SLC35D2: variants seen among roughly 807,000 people sequenced by gnomAD.
SLC35D2 encodes nucleotide sugar transporter SLC35D2.
A neutral mutation model predicts 41.8 loss-of-function variants in SLC35D2; 43 were observed. That is an observed-to-expected ratio of 1.03 (90% CI 0.81 to 1.33). The LOEUF is 1.33. Ranked by LOEUF, SLC35D2 falls within the 40% of genes most tolerant of loss-of-function variation. The pLI, the probability that SLC35D2 is intolerant of heterozygous loss-of-function variation, is 0.00. For synonymous variants in SLC35D2, 150 were observed against 163.9 expected, an observed-to-expected ratio of 0.92 and a Z score of 0.65; for missense variants, 380 against 408.4, an observed-to-expected ratio of 0.93 and a Z score of 0.60.
intron 8 of SLC35D2, among the ~76,000 whole-genome samples, chr9:96,340,955 TAGG>T (rs1829297691): frequency 6.6e-6 from 1 of 152,128 alleles, no homozygotes; most frequent in African/African-American, 2.4e-5. Flanking sequence ...CAAGCCAGAA[TAGG>T]AGGAGGATAT....
At chr9:96,365,590 C>A (rs1381213663) in intron 2 of SLC35D2, among the ~76,000 whole-genome samples, 1 of 152,118 alleles carries the variant, frequency 6.6e-6, no homozygotes, top group African/African-American at 2.4e-5. Flanking sequence ...TTAAAAGAAA[C>A]TCCACACCTA....
intron 9 of SLC35D2, among the ~76,000 whole-genome samples, chr9:96,332,977 C>T (rs991465691): frequency 1.3e-5 from 2 of 150,376 alleles, no homozygotes; most frequent in African/African-American, 4.9e-5. Flanking sequence ...CGGCTCACTG[C>T]AACCTCCAAC....
At position 96,360,058 on chromosome 9, in the gene SLC35D2, A is replaced by G. The variant is rs1378098277; in HGVS notation, c.347+96T>C. ...AATATTATTGTCTTCTATATATGGTACAAGCACTATCAATGGCAAAAATCA... is the reference window on the plus strand; with the variant it reads ...AATATTATTGTCTTCTATATATGGTGCAAGCACTATCAATGGCAAAAATCA... On this transcript the variant is annotated intron_variant, in intron 4 of 11. Coordinates refer to ENST00000253270, the MANE Select transcript of SLC35D2 (RefSeq NM_007001.3). 5.0e-6 allele frequency: 4 copies of G among 797,594 alleles called. No individual in the cohort carries two copies. The Admixed American group carries it at 9.6e-5, about 19-fold the overall frequency. 49.4% of individuals were successfully genotyped at this position (797,594 alleles called of 1,614,324 possible).
chr9:96,360,250 T>C, intron 3 of SLC35D2, 29 bp from the exon 4 acceptor site: 1 of 1,559,208 alleles, frequency 6.4e-7, no homozygotes, highest in Non-Finnish European at 8.8e-7. Flanking sequence ...GAAGAAATAT[T>C]TGGTTAGAAC....
chr9:96,363,873 C>T (rs1000548848), intron 3 of SLC35D2, among the ~76,000 whole-genome samples: 1 of 152,190 alleles, frequency 6.6e-6, no homozygotes, highest in Admixed American at 6.5e-5. Flanking sequence ...TGACCCTTTA[C>T]CAAAAAAGTT....
chr9:96,367,219 C>CAAAAAAA (rs1171888357), intron 2 of SLC35D2, among the ~76,000 whole-genome samples: 12 of 70,958 alleles, frequency 1.7e-4, no homozygotes, highest in Non-Finnish European at 2.5e-4. Flanking sequence ...GACTCAGTCA[C>CAAAAAAA]AAAAAAAAAA....
chr9:96,348,982 A>G (rs551821054), intron 6 of SLC35D2, among the ~76,000 whole-genome samples: 1 of 151,914 alleles, frequency 6.6e-6, no homozygotes, highest in South Asian at 2.1e-4. Context: ...AATGAGCCCT[A>G]AGGAAGCTAG....
At chr9:96,360,099 C>T in intron 4 of SLC35D2, 55 bp downstream of exon 4, 1 of 1,316,496 alleles carries the variant, frequency 7.6e-7, no homozygotes, top group South Asian at 1.2e-5. Context: ...GGTCTTTGTA[C>T]CACTGGCAGC....
chr9:96,348,643 A>G (rs1443049198), intron 6 of SLC35D2, among the ~76,000 whole-genome samples: 1 of 152,142 alleles, frequency 6.6e-6, no homozygotes, highest in African/African-American at 2.4e-5. Flanking sequence ...TCTGTAGCTA[A>G]GCACTGTGGC....
downstream of SLC35D2, among the ~76,000 whole-genome samples, chr9:96,316,874 C>G (rs1401888920): frequency 6.6e-6 from 1 of 152,114 alleles, no homozygotes; most frequent in African/African-American, 2.4e-5. Flanking sequence ...TGTGGTGGCT[C>G]ACGCCTGTAA....
chr9:96,345,476 C>T (rs1476647050), intron 6 of SLC35D2, 75 bp from the exon 7 acceptor site: 1 of 814,660 alleles, frequency 1.2e-6, no homozygotes, highest in Non-Finnish European at 2.1e-6. Flanking sequence ...CCTGATCTAC[C>T]TTTCCCTAAT....
intron 1 of SLC35D2, among the ~76,000 whole-genome samples, chr9:96,376,378 G>A (rs1338076055): frequency 6.7e-6 from 1 of 149,878 alleles, no homozygotes; most frequent in African/African-American, 2.5e-5. Context: ...AGGCCAAGGA[G>A]GGTGGATCAC....
chr9:96,375,789 A>G (rs554239429), intron 1 of SLC35D2, among the ~76,000 whole-genome samples: 2 of 151,800 alleles, frequency 1.3e-5, no homozygotes, highest in Non-Finnish European at 2.9e-5. Context: ...AGGCCAAGGC[A>G]GGTGGATCAC....
intron 1 of SLC35D2, among the ~76,000 whole-genome samples, chr9:96,382,500 A>AC (rs753927300): frequency 1.2e-4 from 16 of 136,118 alleles, no homozygotes; most frequent in African/African-American, 3.3e-4. Flanking sequence ...CACACACTAT[A>AC]TATATATATA....
downstream of SLC35D2, among the ~76,000 whole-genome samples, chr9:96,316,015 T>A (rs939329746): frequency 1.3e-5 from 2 of 152,194 alleles, no homozygotes; most frequent in African/African-American, 2.4e-5. Context: ...TATGCAAATA[T>A]CTTTAATTCT....
intron 4 of SLC35D2, among the ~76,000 whole-genome samples, chr9:96,352,681 A>G (rs1829856859): frequency 1.3e-5 from 2 of 152,274 alleles, no homozygotes; most frequent in South Asian, 4.1e-4. Flanking sequence ...TGCTGAAACT[A>G]CTTCATGATG....
At chr9:96,330,130 C>T (rs2130858385) in intron 9 of SLC35D2, among the ~76,000 whole-genome samples, 1 of 152,368 alleles carries the variant, frequency 6.6e-6, no homozygotes, top group African/African-American at 2.4e-5. Flanking sequence ...GCCAGGAGTT[C>T]TGATGTCCAA....
intron 1 of SLC35D2, among the ~76,000 whole-genome samples, chr9:96,372,169 C>A (rs1377693497): frequency 6.6e-6 from 1 of 152,092 alleles, no homozygotes; most frequent in Non-Finnish European, 1.5e-5. Context: ...AGTATTCTTG[C>A]CAAAAATGTT....
downstream of SLC35D2, among the ~76,000 whole-genome samples, chr9:96,320,116 AG>A (rs1828156133): frequency 6.6e-6 from 1 of 152,194 alleles, no homozygotes; most frequent in South Asian, 2.1e-4. Context: ...CCCATACACC[AG>A]GGGTTGGCGG....
Sources: gnomAD v4.1 joint callset for allele counts (sites outside exome capture counted in the v4.1 genomes callset) on GRCh38, gnomAD v4.1.1 for gene constraint, MANE v1.5 for transcripts, NCBI Gene and HGNC (gene_info 2026-07-23, HGNC 2026-07-21) for gene names.